The following MACROD2 variants were observed in gnomAD, a reference collection of about 807,000 sequenced individuals.
MACROD2 encodes the protein ADP-ribose glycohydrolase MACROD2.
A neutral mutation model predicts 70.4 loss-of-function variants in MACROD2; 36 were observed. That is an observed-to-expected ratio of 0.51 (90% CI 0.39 to 0.68). The LOEUF (loss-of-function observed/expected upper bound fraction) is 0.68. Among genes scored for constraint, MACROD2 ranks in the 30% least tolerant of loss-of-function variants. MACROD2 has a pLI of 0.00. For synonymous variants in MACROD2, 172 were observed against 178.8 expected, an observed-to-expected ratio of 0.96 and a Z score of 0.30; for missense variants, 496 against 538.4, an observed-to-expected ratio of 0.92 and a Z score of 0.78.
Position 15,834,258 on chromosome 20 carries a change from C to T in MACROD2, c.646-28487C>T, listed in dbSNP as rs111626165. ...GGGAGGCTGAGGCACGAGAATCCCT[C>T]GAACCCAGGAGGCAGAGGTTGCAGT... On this transcript the variant is annotated intron_variant, in intron 8 of 17. Coordinates refer to ENST00000684519, the MANE Select transcript of MACROD2 (RefSeq NM_001351661.2). 8.9e-3 allele frequency among the ~76,000 whole-genome samples: 1,361 copies of T among 152,212 alleles called. 22 individuals carry two copies. The highest frequency in any genetic ancestry group is 0.031 in the African/African-American group (1,272 of 41,544).
intron 6 of MACROD2, among the ~76,000 whole-genome samples, chr20:15,319,183 A>G (rs2077846654): frequency 6.6e-6 from 1 of 152,208 alleles, no homozygotes; most frequent in Non-Finnish European, 1.5e-5. Flanking sequence ...CAAACTGAAA[A>G]GAAAATTAAG....
At position 14,515,463 on chromosome 20, in the gene MACROD2, A is replaced by ACACACACGCGCGCGCGCGCG. The variant is rs34190778; in HGVS notation, c.301+21956_301+21957insACACACGCGCGCGCGCGCGC. 5.5e-3 allele frequency among the ~76,000 whole-genome samples: 766 copies of ACACACACGCGCGCGCGCGCG among 138,876 alleles called. 10 individuals are homozygous for ACACACACGCGCGCGCGCGCG. Among genetic ancestry groups the ACACACACGCGCGCGCGCGCG allele is most frequent in the African/African-American group, 0.021 (745 of 35,000 alleles). 91.1% of individuals were successfully genotyped at this position (138,876 alleles called of 152,430 possible). On this transcript the variant is annotated intron_variant, in intron 4 of 17. Transcript: ENST00000684519. ...TAAAGAATATGTGAGATACACACAC[A>ACACACACGCGCGCGCGCGCG]CGCACACACACACACACACACACAC...
At chr20:14,626,281 G>T (rs995626017) in intron 4 of MACROD2, among the ~76,000 whole-genome samples, 3 of 152,166 alleles carry the variant, frequency 2.0e-5, no homozygotes, top group African/African-American at 7.2e-5. Context: ...CCATGGCACG[G>T]CCTTTTGAAG....
chr20:16,016,975 A>G (rs1189383392), intron 15 of MACROD2, among the ~76,000 whole-genome samples: 1 of 152,036 alleles, frequency 6.6e-6, no homozygotes, highest in East Asian at 1.9e-4. Context: ...TCCACCCTCA[A>G]CCTAATCAAA....
At chr20:15,774,802 A>G (rs1421732113) in intron 8 of MACROD2, among the ~76,000 whole-genome samples, 7 of 147,878 alleles carry the variant, frequency 4.7e-5, no homozygotes, top group Admixed American at 2.7e-4. Context: ...TTCCCCTTCT[A>G]CAGAGAAAAA....
chr20:16,046,564 C>T (rs2147623354), intron 17 of MACROD2, among the ~76,000 whole-genome samples: 2 of 151,710 alleles, frequency 1.3e-5, no homozygotes, highest in South Asian at 2.1e-4. Flanking sequence ...TGACCAGTGT[C>T]CAGATGAAGT....
intron 3 of MACROD2, among the ~76,000 whole-genome samples, chr20:14,387,107 A>G (rs1021366256): frequency 1.3e-5 from 2 of 152,244 alleles, no homozygotes; most frequent in African/African-American, 4.8e-5. Flanking sequence ...CTTTTTCAAC[A>G]TAAGACAATT....
chr20:14,686,396 G>T (rs2071002833), intron 5 of MACROD2, among the ~76,000 whole-genome samples: 1 of 152,126 alleles, frequency 6.6e-6, no homozygotes, highest in South Asian at 2.1e-4. Flanking sequence ...ACAAAGTTTT[G>T]ATTGTGTTTT....
At chr20:14,080,596 G>A (rs1247294936) in intron 2 of MACROD2, among the ~76,000 whole-genome samples, 1 of 151,904 alleles carries the variant, frequency 6.6e-6, no homozygotes, top group Non-Finnish European at 1.5e-5. Flanking sequence ...GTAAACAAGA[G>A]TTAAAAAAGG....
At chr20:14,424,510 GAAGT>G (rs2083913105) in intron 3 of MACROD2, among the ~76,000 whole-genome samples, 1 of 152,130 alleles carries the variant, frequency 6.6e-6, no homozygotes, top group South Asian at 2.1e-4. Context: ...TATTTTTGGG[GAAGT>G]AATTTTGAAG....
In MACROD2 at chr20:15,021,036, A is replaced by G. The variant is rs1429112264; in HGVS notation, c.419-208904A>G. Among the ~76,000 whole-genome samples, 15 of 145,490 alleles carry G rather than the reference A, an allele frequency of 1.0e-4. No homozygotes were observed. The East Asian group carries it at 3.0e-3, about 29-fold the overall frequency. On this transcript the variant is annotated intron_variant, in intron 5 of 17. Coordinates refer to ENST00000684519, the MANE Select transcript of MACROD2 (RefSeq NM_001351661.2). ...TGTATATGTATACACATGTGCATAT[A>G]CGTATATGCATACACATGTGCATAT...
At chr20:14,014,234 C>T (rs1204909614) in intron 2 of MACROD2, among the ~76,000 whole-genome samples, 1 of 142,290 alleles carries the variant, frequency 7.0e-6, no homozygotes, top group South Asian at 2.6e-4. Context: ...CCCCCTCCCC[C>T]CCACCCCCAA....
chr20:15,439,074 C>T (rs1430990808), intron 7 of MACROD2, among the ~76,000 whole-genome samples: 1 of 152,102 alleles, frequency 6.6e-6, no homozygotes, highest in African/African-American at 2.4e-5. Context: ...GTTAGAGAGC[C>T]AAACTAAATA....
At chr20:16,046,839 A>T (rs2067390006) in intron 17 of MACROD2, among the ~76,000 whole-genome samples, 1 of 151,458 alleles carries the variant, frequency 6.6e-6, no homozygotes, top group African/African-American at 2.4e-5. Context: ...TACCACCACA[A>T]CTGGCTAATT....
chr20:14,551,981 G>T (rs994434297), intron 4 of MACROD2, among the ~76,000 whole-genome samples: 4 of 151,932 alleles, frequency 2.6e-5, no homozygotes, highest in Admixed American at 2.6e-4. Context: ...TTTCAAGATA[G>T]CAGTGACTGA....
intron 2 of MACROD2, among the ~76,000 whole-genome samples, chr20:14,065,593 A>T (rs998760743): frequency 6.6e-6 from 1 of 152,158 alleles, no homozygotes; most frequent in Non-Finnish European, 1.5e-5. Context: ...TGCTTTTACT[A>T]TGTCTAGGGC....
At chr20:15,249,419 C>A (rs1261164825) in intron 6 of MACROD2, among the ~76,000 whole-genome samples, 1 of 152,140 alleles carries the variant, frequency 6.6e-6, no homozygotes, top group African/African-American at 2.4e-5. Context: ...TTTTGCACAT[C>A]CTGCCAGAAA....
chr20:15,496,869 C>T (rs1568849094), intron 7 of MACROD2, among the ~76,000 whole-genome samples: 1 of 152,084 alleles, frequency 6.6e-6, no homozygotes, highest in Non-Finnish European at 1.5e-5. Context: ...TAGGAAGAAT[C>T]ACTTGAAAGT....
intron 8 of MACROD2, among the ~76,000 whole-genome samples, chr20:15,702,852 A>G (rs1308503658): frequency 1.3e-5 from 2 of 152,242 alleles, no homozygotes; most frequent in Non-Finnish European, 2.9e-5. Context: ...AAGCCAAAGA[A>G]CAAAGCCAGA....
Sources: allele counts gnomAD v4.1 joint callset (sites outside exome capture counted in the v4.1 genomes callset), GRCh38; gene constraint gnomAD v4.1.1; transcripts MANE v1.5; gene names NCBI Gene and HGNC (gene_info 2026-07-23, HGNC 2026-07-21).